SSPN: variants seen among roughly 807,000 people sequenced by gnomAD.
The protein encoded by SSPN is K-ras oncogene-associated protein.
In SSPN, 15 loss-of-function variants were observed where a neutral mutation model predicts 19.1. The ratio of observed to expected loss-of-function variants is 0.78; its 90% CI spans 0.52 to 1.21. The LOEUF (loss-of-function observed/expected upper bound fraction) is 1.21, where lower values mean the gene tolerates loss of function less well. Among genes scored for constraint, SSPN ranks in the 50% most tolerant of loss-of-function variants. The pLI, the probability that SSPN is intolerant of heterozygous loss-of-function variation, is 0.00. For missense variants in SSPN, 291 were observed against 314.0 expected (o/e 0.93, Z 0.55); for synonymous variants, 147 against 140.3 (o/e 1.05, Z -0.34).
intron 1 of SSPN, chr12:26,124,859 C>T: frequency 7.2e-7 from 1 of 1,380,268 alleles, no homozygotes; most frequent in South Asian, 1.2e-5. Flanking sequence ...CTTGGGAGAC[C>T]TTGGGGGGAT....
chr12:26,218,030 T>C (rs866909974), intron 1 of SSPN, among the ~76,000 whole-genome samples: 1 of 151,190 alleles, frequency 6.6e-6, no homozygotes, highest in South Asian at 2.1e-4. Flanking sequence ...ATGTTTATTG[T>C]GGCATTATTC....
chr12:26,127,130 A>G (rs1944371523), intron 1 of SSPN, among the ~76,000 whole-genome samples: 1 of 152,244 alleles, frequency 6.6e-6, no homozygotes, highest in African/African-American at 2.4e-5. Flanking sequence ...TGGAGTAGAA[A>G]GGGGATGTAA....
intron 1 of SSPN, among the ~76,000 whole-genome samples, chr12:26,157,522 A>G (rs921861838): frequency 2.0e-5 from 3 of 152,180 alleles, no homozygotes; most frequent in Non-Finnish European, 4.4e-5. Context: ...ACAATTATCA[A>G]TGCCACACTG....
intron 1 of SSPN, among the ~76,000 whole-genome samples, chr12:26,170,387 A>G (rs1944647224): frequency 6.6e-6 from 1 of 152,230 alleles, no homozygotes; most frequent in Admixed American, 6.5e-5. Context: ...ATTAATTCCG[A>G]TGGCTCTAAG....
rs78340742 is a variant in SSPN, at chr12:26,139,366, C to T, written c.-31+17214C>T. The stretch of plus-strand genomic sequence containing the variant: ...GACATTTGTTAGAACCTCATTTATT[C>T]ATCATTGATATGAGCAATGTTTTCA... On this transcript the variant is annotated intron_variant, in intron 1 of 2. Coordinates refer to the SSPN transcript ENST00000538142. 1.9e-3 allele frequency among the ~76,000 whole-genome samples: 286 copies of T among 152,274 alleles called. 2 individuals carry two copies. Among genetic ancestry groups the T allele is most frequent in the African/African-American group, 6.7e-3 (278 of 41,556 alleles).
chr12:26,130,688 C>CT (rs1944392447), intron 1 of SSPN, among the ~76,000 whole-genome samples: 1 of 152,138 alleles, frequency 6.6e-6, no homozygotes, highest in Non-Finnish European at 1.5e-5. Context: ...TTAGGAAGTT[C>CT]TTTTTTGGTC....
At chr12:26,228,066 G>T (rs956708326) in intron 2 of SSPN, among the ~76,000 whole-genome samples, 4 of 152,130 alleles carry the variant, frequency 2.6e-5, no homozygotes, top group Non-Finnish European at 4.4e-5. Context: ...TATTGTCATT[G>T]CTTCAAGATA....
In SSPN at chr12:26,168,416, C is replaced by T. The variant is rs192125213; in HGVS notation, c.-31+46264C>T. Among the ~76,000 whole-genome samples, 51 of 152,160 alleles carry T rather than the reference C, an allele frequency of 3.4e-4. No homozygotes were observed. In the East Asian group the frequency reaches 7.4e-3, roughly 22 times the overall value. ...CGCCCAGTGTTCGGAGGTTGCAAGG[C>T]AGGGATAACCCCCGGTTGGGGATGG... On this transcript the variant is annotated intron_variant, in intron 1 of 2. Coordinates refer to the SSPN transcript ENST00000538142.
chr12:26,209,460 A>T (rs1944961975), intron 1 of SSPN, among the ~76,000 whole-genome samples: 1 of 151,640 alleles, frequency 6.6e-6, no homozygotes. Context: ...CATATTTCTT[A>T]TCCTGTCTAG....
intron 1 of SSPN, among the ~76,000 whole-genome samples, chr12:26,212,334 T>C (rs1392041041): frequency 1.3e-5 from 2 of 152,230 alleles, no homozygotes; most frequent in Non-Finnish European, 2.9e-5. Context: ...TTAGGTGTGA[T>C]TGAGCAAGTG....
intron 1 of SSPN, among the ~76,000 whole-genome samples, chr12:26,202,141 C>T (rs1157751574): frequency 2.0e-5 from 3 of 152,144 alleles, no homozygotes; most frequent in African/African-American, 7.2e-5. Flanking sequence ...ACAGTTGACA[C>T]ACTATATTAT....
chr12:26,201,017 A>ATAT (rs1944873357), intron 1 of SSPN, among the ~76,000 whole-genome samples: 1 of 47,452 alleles, frequency 2.1e-5, no homozygotes, highest in South Asian at 6.9e-4. Flanking sequence ...TTGTGTATAT[A>ATAT]TATATATATA....
intron 1 of SSPN, chr12:26,125,956 G>C (rs1041305841): frequency 2.0e-5 from 3 of 150,994 alleles, no homozygotes; most frequent in African/African-American, 2.4e-5. Flanking sequence ...CGCGCGATAA[G>C]AGACGCCCGG....
intron 1 of SSPN, among the ~76,000 whole-genome samples, chr12:26,158,641 G>A (rs950971720): frequency 1.3e-5 from 2 of 152,256 alleles, no homozygotes; most frequent in African/African-American, 2.4e-5. Context: ...ATGAGTCCTG[G>A]CTGGGGAAGG....
chr12:26,145,638 C>T (rs1944485683), intron 1 of SSPN, among the ~76,000 whole-genome samples: 1 of 152,232 alleles, frequency 6.6e-6, no homozygotes, highest in Admixed American at 6.5e-5. Flanking sequence ...TCTTGGTTTT[C>T]ACTCTCGACT....
intron 1 of SSPN, among the ~76,000 whole-genome samples, chr12:26,128,391 A>T (rs1944378807): frequency 6.6e-6 from 1 of 152,208 alleles, no homozygotes; most frequent in Non-Finnish European, 1.5e-5. Context: ...CTAGCTTCAA[A>T]TTTATTGATT....
intron 1 of SSPN, among the ~76,000 whole-genome samples, chr12:26,152,780 C>T (rs971750445): frequency 6.6e-6 from 1 of 152,184 alleles, no homozygotes; most frequent in Non-Finnish European, 1.5e-5. Flanking sequence ...CATCTTAAAC[C>T]CTTCAACGTC....
intron 1 of SSPN, among the ~76,000 whole-genome samples, chr12:26,138,669 A>G (rs1002508762): frequency 6.6e-6 from 1 of 152,188 alleles, no homozygotes; most frequent in African/African-American, 2.4e-5. Flanking sequence ...GAAAGTCTAG[A>G]TGCTTTTATT....
In SSPN at chr12:26,195,914, T is replaced by C. The variant is rs1441081636; in HGVS notation, c.242T>C (p.Leu81Pro). 8.9e-6 allele frequency: 14 copies of C among 1,573,442 alleles called. No individual in the cohort carries two copies. Among genetic ancestry groups the C allele is most frequent in the Non-Finnish European group, 1.2e-5 (14 of 1,162,750 alleles). ...GFLMASISSSLLVRDTPFWAG... is the reference protein window; with the variant it reads ...GFLMASISSSPLVRDTPFWAG... ...CTCATGGCGAGCATCAGCTCCTCCC[T>C]GCTAGTCAGGGACACTCCATTTTGG... Residue 81 changes from leucine to proline, a missense_variant, in exon 1 of 3, where the codon CTG becomes CCG. By Grantham distance (98) the Leu-to-Pro change is moderately conservative (BLOSUM62 -3). This residue lies in a region of SSPN where 139 missense variants were observed against 119.6 expected (regional missense o/e 1.16). Coordinates refer to ENST00000242729, the MANE Select transcript of SSPN (RefSeq NM_005086.5).
Sources: allele counts gnomAD v4.1 joint callset (sites outside exome capture counted in the v4.1 genomes callset), GRCh38; gene constraint gnomAD v4.1.1; regional missense constraint gnomAD v4.1.1; transcripts MANE v1.5; gene names NCBI Gene and HGNC (gene_info 2026-07-23, HGNC 2026-07-21).